EML4: variants seen among roughly 807,000 people sequenced by gnomAD.
EML4 encodes EMAP like 4, also known as echinoderm microtubule-associated protein-like 4.
A neutral mutation model predicts 129.0 loss-of-function variants in EML4; 72 were observed. The observed-to-expected ratio is 0.56, with a 90% confidence interval of 0.46 to 0.68. The LOEUF is 0.68. Among genes scored for constraint, EML4 ranks in the 30% least tolerant of loss-of-function variants. The pLI, the probability that EML4 is intolerant of heterozygous loss-of-function variation, is 0.00. For missense variants in EML4, 1,363 were observed against 1,190.6 expected, an observed-to-expected ratio of 1.14 and a Z score of -2.13; for synonymous variants, 532 against 405.0, an observed-to-expected ratio of 1.31 and a Z score of -3.77.
At chr2:42,178,944 A>G (rs1276661350) in intron 1 of EML4, among the ~76,000 whole-genome samples, 1 of 152,230 alleles carries the variant, frequency 6.6e-6, no homozygotes, top group Admixed American at 6.5e-5. Flanking sequence ...GGAATCATCA[A>G]TAGGTGCTAA....
chr2:42,276,645 A>G (rs971598388), intron 6 of EML4, among the ~76,000 whole-genome samples: 12 of 152,216 alleles, frequency 7.9e-5, no homozygotes, highest in African/African-American at 2.7e-4. Context: ...CAATAACCTC[A>G]TATTATGCTT....
intron 1 of EML4, among the ~76,000 whole-genome samples, chr2:42,199,398 G>GTGAC (rs1403397043): frequency 6.6e-6 from 1 of 152,172 alleles, no homozygotes; most frequent in South Asian, 2.1e-4. Context: ...AATTTGGAGA[G>GTGAC]TGACTGAGAA....
intron 1 of EML4, among the ~76,000 whole-genome samples, chr2:42,197,646 AAT>A (rs1671973872): frequency 6.6e-6 from 1 of 152,176 alleles, no homozygotes; most frequent in Non-Finnish European, 1.5e-5. Flanking sequence ...ATATCTGTGA[AAT>A]ATATATTGGT....
intron 6 of EML4, among the ~76,000 whole-genome samples, chr2:42,268,583 C>T (rs546901738): frequency 6.6e-6 from 1 of 152,124 alleles, no homozygotes. Context: ...ACTACAGGCA[C>T]ATACCACAAC....
At chr2:42,245,723 T>C in intron 2 of EML4, 36 bp downstream of exon 2, 2 of 1,507,342 alleles carry the variant, frequency 1.3e-6, no homozygotes, top group South Asian at 1.3e-5. Context: ...AGTCTTGCTT[T>C]TTGCAATATT....
rs762143576 is a variant in EML4, at chr2:42,261,309, C to A, written c.512+15C>A. The A allele has an allele frequency of 6.2e-7, 1 of 1,605,508 alleles. No homozygotes were observed. The highest frequency in any genetic ancestry group is 8.5e-7 in the Non-Finnish European group (1 of 1,175,342). On this transcript the variant is annotated intron_variant, in intron 4 of 22. Coordinates refer to ENST00000318522, the MANE Select transcript of EML4 (RefSeq NM_019063.5). ...CCCACCAAAAGGTTTTAACTGTCCCCAAGTACAGAGCTAGGGAATGGTTGT... is the reference window on the plus strand; with the variant it reads ...CCCACCAAAAGGTTTTAACTGTCCCAAAGTACAGAGCTAGGGAATGGTTGT...
intron 1 of EML4, among the ~76,000 whole-genome samples, chr2:42,233,369 G>T (rs539210014): frequency 6.7e-6 from 1 of 150,276 alleles, no homozygotes; most frequent in Non-Finnish European, 1.5e-5. Flanking sequence ...GCAGTGGCGC[G>T]ATCTCAGCTC....
At chr2:42,266,305 G>C (rs935154696) in intron 6 of EML4, among the ~76,000 whole-genome samples, 4 of 152,094 alleles carry the variant, frequency 2.6e-5, no homozygotes, top group Non-Finnish European at 2.9e-5. Flanking sequence ...ACTTTAAAGG[G>C]AAAAATGAAA....
intron 1 of EML4, among the ~76,000 whole-genome samples, chr2:42,181,820 G>T (rs1425112694): frequency 6.6e-6 from 1 of 152,064 alleles, no homozygotes; most frequent in Non-Finnish European, 1.5e-5. Flanking sequence ...TTTTGCCAAG[G>T]AGCCCTAGTT....
chr2:42,188,772 C>T (rs1274233880), intron 1 of EML4, among the ~76,000 whole-genome samples: 7 of 152,176 alleles, frequency 4.6e-5, no homozygotes, highest in African/African-American at 1.7e-4. Flanking sequence ...GTGATCTGCC[C>T]ACCTTGGCTT....
chr2:42,307,558 T>C (rs546866458), intron 17 of EML4, among the ~76,000 whole-genome samples: 1 of 152,376 alleles, frequency 6.6e-6, no homozygotes, highest in African/African-American at 2.4e-5. Flanking sequence ...ATGTATTGTC[T>C]AAAATGGAAA....
intron 11 of EML4, among the ~76,000 whole-genome samples, chr2:42,293,939 G>A (rs781094869): frequency 6.6e-6 from 1 of 152,150 alleles, no homozygotes; most frequent in Non-Finnish European, 1.5e-5. Context: ...AAATGCTTCC[G>A]TACACGTAAA....
At chr2:42,285,886 C>G (rs1204530588) in intron 9 of EML4, 1 of 219,282 alleles carries the variant, frequency 4.6e-6, no homozygotes. Context: ...GGTGTGGGCC[C>G]CCGTGCCTGG....
At chr2:42,171,798 G>T (rs919162401) in intron 1 of EML4, among the ~76,000 whole-genome samples, 2 of 152,154 alleles carry the variant, frequency 1.3e-5, no homozygotes, top group Non-Finnish European at 2.9e-5. Context: ...GGAGCTCTGT[G>T]CTTTCTCTTT....
chr2:42,246,250 T>C (rs1675395312), intron 2 of EML4, among the ~76,000 whole-genome samples: 1 of 152,180 alleles, frequency 6.6e-6, no homozygotes, highest in Non-Finnish European at 1.5e-5. Context: ...GCTCTGAGTT[T>C]GGAGCAGATG....
At chr2:42,238,158 C>T (rs992271816) in intron 1 of EML4, among the ~76,000 whole-genome samples, 2 of 152,168 alleles carry the variant, frequency 1.3e-5, no homozygotes, top group African/African-American at 4.8e-5. Flanking sequence ...GGATCCCCTC[C>T]ACAAGATATC....
chr2:42,241,208 A>G (rs188975963), intron 1 of EML4, among the ~76,000 whole-genome samples: 195 of 152,228 alleles, frequency 1.3e-3, no homozygotes, highest in African/African-American at 4.2e-3. Flanking sequence ...ACCAGAGTTA[A>G]TGCACTATTC....
At chr2:42,307,757 G>A (rs192678425) in intron 17 of EML4, among the ~76,000 whole-genome samples, 4 of 152,288 alleles carry the variant, frequency 2.6e-5, no homozygotes, top group East Asian at 1.9e-4. Flanking sequence ...AGGCTCAAGC[G>A]ATTCTTTAGC....
intron 1 of EML4, among the ~76,000 whole-genome samples, chr2:42,187,678 A>T (rs114366943): frequency 1.5e-3 from 200 of 137,276 alleles, no homozygotes; most frequent in Admixed American, 3.3e-3. Context: ...ATTTTTTTTA[A>T]AAAAAAATGG....
Sources: allele counts gnomAD v4.1 joint callset (sites outside exome capture counted in the v4.1 genomes callset), GRCh38; gene constraint gnomAD v4.1.1; transcripts MANE v1.5; gene names NCBI Gene and HGNC (gene_info 2026-07-23, HGNC 2026-07-21).